Variants in PFKP observed in about 807,000 individuals in gnomAD.
PFKP encodes phosphofructokinase, platelet, also known as ATP-dependent 6-phosphofructokinase, platelet type.
In PFKP, 101 loss-of-function variants were observed where a neutral mutation model predicts 94.3. The observed-to-expected ratio is 1.07, with a 90% CI of 0.91 to 1.26. PFKP has a LOEUF of 1.26. Ranked by LOEUF, PFKP falls within the 50% of genes most tolerant of loss-of-function variation. The pLI is 0.00. For missense variants in PFKP, 1,145 were observed against 1,103.3 expected, an observed-to-expected ratio of 1.04 and a Z score of -0.53; for synonymous variants, 573 against 432.6, an observed-to-expected ratio of 1.32 and a Z score of -4.03.
Position 3,129,825 on chromosome 10 carries a change from G to A in PFKP, c.1690G>A (p.Asp564Asn), listed in dbSNP as rs760969268. ...TALNTITDTCDRIKQSASGTK... is the reference protein window; with the variant it reads ...TALNTITDTCNRIKQSASGTK... ...ATCGCTTCTCTGTGACCAGACCTGC[G>A]ACCGCATCAAGCAGTCCGCCAGCGG... Residue 564 changes from aspartate to asparagine, a missense_variant, in exon 17 of 22, where the codon GAC (aspartate) becomes AAC (asparagine). Around this residue, in one of 3 missense-constraint regions of PFKP, gnomAD observed 1,119 missense variants for 1,062.8 expected, o/e 1.05. Coordinates refer to ENST00000381125, the MANE Select transcript of PFKP (RefSeq NM_002627.5). The A allele has an allele frequency of 3.1e-6, 5 of 1,613,394 alleles. No individual in the cohort carries two copies. Among genetic ancestry groups the A allele is most frequent in the East Asian group, 4.5e-5 (2 of 44,864 alleles).
At chr10:3,123,161 T>C (rs893992027) in intron 16 of PFKP, among the ~76,000 whole-genome samples, 12 of 152,122 alleles carry the variant, frequency 7.9e-5, no homozygotes, top group African/African-American at 2.9e-4. Context: ...GTGTGACACG[T>C]TCTCAGGATA....
intron 16 of PFKP, among the ~76,000 whole-genome samples, chr10:3,124,341 C>T (rs894534130): frequency 1.3e-5 from 2 of 152,214 alleles, no homozygotes; most frequent in Non-Finnish European, 2.9e-5. Flanking sequence ...GCGTGTGGAC[C>T]TGTCCTGCTG....
intron 14 of PFKP, among the ~76,000 whole-genome samples, chr10:3,118,211 G>C (rs768562216): frequency 3.9e-4 from 60 of 152,186 alleles, no homozygotes; most frequent in Non-Finnish European, 7.9e-4. Flanking sequence ...GCTCACACCT[G>C]TAACCCCAGC....
At chr10:3,082,484 CT>C (rs755645465) in intron 2 of PFKP, 23 bp downstream of exon 2, 13 of 1,577,006 alleles carry the variant, frequency 8.2e-6, no homozygotes, top group Admixed American at 5.2e-5. Context: ...CCCTCACCCC[CT>C]GTCGCCCTTC....
intron 2 of PFKP, among the ~76,000 whole-genome samples, chr10:3,094,020 C>T (rs1330163281): frequency 6.6e-6 from 1 of 152,170 alleles, no homozygotes; most frequent in Non-Finnish European, 1.5e-5. Flanking sequence ...TGCCTTCATC[C>T]CACCACCATT....
chr10:3,116,633 A>G, intron 13 of PFKP, 143 bp from the exon 14 acceptor site: 1 of 674,796 alleles, frequency 1.5e-6, no homozygotes, highest in Non-Finnish European at 2.7e-6. Flanking sequence ...TCATCCGGGC[A>G]TCGTGATAAA....
chr10:3,109,557 C>T (rs909941063), intron 10 of PFKP, 77 bp downstream of exon 10: 127 of 1,542,418 alleles, frequency 8.2e-5, no homozygotes, highest in South Asian at 4.4e-4. Flanking sequence ...AGCCTGGGCA[C>T]CTTGGGTGTC....
At chr10:3,114,832 G>C (rs1400343057) in intron 13 of PFKP, among the ~76,000 whole-genome samples, 1 of 152,250 alleles carries the variant, frequency 6.6e-6, no homozygotes, top group Non-Finnish European at 1.5e-5. Flanking sequence ...GAGGAGGTTG[G>C]CTTTTATGTT....
chr10:3,079,176 A>G (rs950894752), intron 1 of PFKP, among the ~76,000 whole-genome samples: 1 of 151,762 alleles, frequency 6.6e-6, no homozygotes, highest in Non-Finnish European at 1.5e-5. Flanking sequence ...GATTGAGTTT[A>G]GTGCTGGGGT....
chr10:3,109,331 G>T, intron 9 of PFKP, 24 bp from the exon 10 acceptor site: 1 of 1,606,848 alleles, frequency 6.2e-7, no homozygotes, highest in East Asian at 2.2e-5. Context: ...GGCTGCCCCT[G>T]ACCCACATGG....
Position 3,100,862 on chromosome 10 carries a change from C to CAAAAAAAAAAAAAAAAAA in PFKP, c.265-500_265-483dup, listed in dbSNP as rs71294492. 7.8e-5 allele frequency: 51 copies of CAAAAAAAAAAAAAAAAAA among 657,214 alleles called. No individual in the cohort carries two copies. The African/African-American group carries it at 1.0e-3, about 13-fold the overall frequency. The allele number at this position is 657,214 out of a possible 1,614,324, so 40.7% of individuals were successfully genotyped here. On this transcript the variant is annotated intron_variant, in intron 3 of 21. Coordinates refer to ENST00000381125, the MANE Select transcript of PFKP (RefSeq NM_002627.5). Reference sequence around the variant, plus strand: ...TAAAAGGGGCAGCGAGTATGTGGTGCAAAAAAAAAAAAAAAAAAAATCCCC... The same window carrying CAAAAAAAAAAAAAAAAAA: ...TAAAAGGGGCAGCGAGTATGTGGTGCAAAAAAAAAAAAAAAAAAAAAAAAAAAAAAAAAAAAAATCCCC...
In PFKP at chr10:3,113,186, A is replaced by G; in HGVS notation, c.1222A>G (p.Lys408Glu). The G allele has an allele frequency of 6.2e-7, 1 of 1,611,734 alleles. No individual in the cohort carries two copies. Among genetic ancestry groups the G allele is most frequent in the Non-Finnish European group, 8.5e-7 (1 of 1,178,992 alleles). The change falls in exon 12 of 22, where the codon AAG becomes GAG. Residue 408 changes from lysine to glutamate, a missense_variant and splice_region_variant. Lys to Glu is a moderately conservative substitution (Grantham distance 56). Transcript: ENST00000381125. ...CAAGCTGCCGGATGATCAGATCCCAAAGGTAGGTGGCCGGCCTCCCGCGAT... is the reference window on the plus strand; with the variant it reads ...CAAGCTGCCGGATGATCAGATCCCAGAGGTAGGTGGCCGGCCTCCCGCGAT... ...AIKLPDDQIP[K>E]TNCNVAVINV...
In PFKP at chr10:3,121,803, C is replaced by CTTTTCTTTCTTTTTTTTTTTT. The variant is rs1564339123; in HGVS notation, c.1683+1763_1683+1764insCTTTCTTTTTTTTTTTTTTTT. Among the ~76,000 whole-genome samples, 2 of 32,624 alleles carry CTTTTCTTTCTTTTTTTTTTTT rather than the reference C, an allele frequency of 6.1e-5. 1 individual carries two copies. The highest frequency in any genetic ancestry group is 1.2e-4 in the Non-Finnish European group (2 of 16,886). 21.4% of individuals were successfully genotyped at this position (32,624 alleles called of 152,430 possible). On this transcript the variant is annotated intron_variant, in intron 16 of 21. Coordinates refer to ENST00000381125, the MANE Select transcript of PFKP (RefSeq NM_002627.5). ...TAGGTTAAACAATTTCTTTTTTTTTCTTTTTTTTTTTTTTTTTTTTTTTTT... is the reference window on the plus strand; with the variant it reads ...TAGGTTAAACAATTTCTTTTTTTTTCTTTTCTTTCTTTTTTTTTTTTTTTTTTTTTTTTTTTTTTTTTTTTT...
intron 5 of PFKP, 117 bp from the exon 6 acceptor site, chr10:3,104,998 T>A (rs1835393358): frequency 2.1e-6 from 2 of 942,094 alleles, no homozygotes; most frequent in Non-Finnish European, 1.7e-6. Flanking sequence ...CCTGGCTAAC[T>A]CGGCTGTCAA....
In PFKP at chr10:3,133,907, C is replaced by T. The variant is rs77034254; in HGVS notation, c.2023-576C>T. Among the ~76,000 whole-genome samples the T allele has an allele frequency of 5.0e-3, 759 of 152,294 alleles. 3 individuals carry two copies. The highest frequency in any genetic ancestry group is 0.017 in the African/African-American group (710 of 41,548). ...CACTTCATCAAGTTAAAAACTGGAGCTTCCCTAAGATTTAAAATGGATTAT... is the reference window on the plus strand; with the variant it reads ...CACTTCATCAAGTTAAAAACTGGAGTTTCCCTAAGATTTAAAATGGATTAT... On this transcript the variant is annotated intron_variant, in intron 19 of 21. Coordinates refer to ENST00000381125, the MANE Select transcript of PFKP (RefSeq NM_002627.5).
At chr10:3,108,871 C>T in intron 9 of PFKP, 78 bp downstream of exon 9, 2 of 1,050,590 alleles carry the variant, frequency 1.9e-6, no homozygotes, top group South Asian at 1.3e-5. Flanking sequence ...CACCAGCCGG[C>T]CACAGAGGCT....
chr10:3,076,364 G>A (rs1588387781), intron 1 of PFKP, among the ~76,000 whole-genome samples: 1 of 152,128 alleles, frequency 6.6e-6, no homozygotes. Context: ...ACCCTGGAAT[G>A]CAGCATGCTG....
chr10:3,113,169 C>T lies in PFKP; in HGVS notation c.1205C>T (p.Pro402Leu), dbSNP rs559507185. The T allele has an allele frequency of 4.4e-5, 71 of 1,612,526 alleles. No homozygotes were observed. Among genetic ancestry groups the T allele is most frequent in the Middle Eastern group, 1.7e-4 (1 of 6,060 alleles). ...NTYKRLAIKL[P>L]DDQIPKTNCN... ...TACAAGCGACTTGCCATCAAGCTGC[C>T]GGATGATCAGATCCCAAAGGTAGGT... is the stretch of plus-strand genomic sequence containing the variant. Residue 402 changes from proline (P) to leucine (L), a missense_variant, in exon 12 of 22, where the codon CCG becomes CTG. Physicochemically the swap from Pro to Leu is moderately conservative, Grantham distance 98 (BLOSUM62 -3). Around this residue, in one of 3 missense-constraint regions of PFKP, gnomAD observed 1,119 missense variants for 1,062.8 expected, o/e 1.05. Transcript: ENST00000381125.
Position 3,087,730 on chromosome 10 carries a change from C to G in PFKP, c.186+5269C>G, listed in dbSNP as rs532740917. ...ATCAGCTCATTTGAGCCCAAATTTC[C>G]TCTCTGGCACCCTCCCCACCTGCCC... is the stretch of plus-strand genomic sequence containing the variant. On this transcript the variant is annotated intron_variant, in intron 2 of 21. Transcript: ENST00000381125. Among the ~76,000 whole-genome samples, 24 of 152,186 alleles carry G rather than the reference C, an allele frequency of 1.6e-4. No homozygotes were observed. The South Asian group carries it at 4.2e-3, about 26-fold the overall frequency.
Sources: allele counts gnomAD v4.1 joint callset (sites outside exome capture counted in the v4.1 genomes callset), GRCh38; gene constraint gnomAD v4.1.1; regional missense constraint gnomAD v4.1.1; transcripts MANE v1.5; gene names NCBI Gene and HGNC (gene_info 2026-07-23, HGNC 2026-07-21).